HELQ: variants seen among roughly 807,000 people sequenced by gnomAD.
HELQ encodes helicase, POLQ like.
A neutral mutation model predicts 111.6 loss-of-function variants in HELQ; 77 were observed. The observed-to-expected ratio is 0.69, with a 90% CI of 0.57 to 0.83. The LOEUF (loss-of-function observed/expected upper bound fraction) is 0.83, where lower values mean the gene tolerates loss of function less well. Ranked by LOEUF, HELQ falls within the 40% of genes least tolerant of loss-of-function variation. The probability of loss-of-function intolerance (pLI) is 0.00; values close to 1 mark genes in which losing one functional copy is unlikely to be tolerated. For missense variants in HELQ, 1,200 were observed against 1,288.5 expected, an observed-to-expected ratio of 0.93 and a Z score of 1.05; for synonymous variants, 438 against 454.7, an observed-to-expected ratio of 0.96 and a Z score of 0.47.
chr4:83,418,161 T>C lies in HELQ; in HGVS notation c.2995A>G (p.Thr999Ala). ...TTTACACAGTAAGTCAGCTTCTTGG[T>C]AAGTTCTACCAAAAGGGCTCTGTAA... ...WVYRALLVEL[T>A]KKLTYCVKAE... The change falls in exon 16 of 18, where the codon ACC becomes GCC. Residue 999 changes from threonine (T) to alanine (A), a missense_variant. By Grantham distance (58) the Thr-to-Ala change is moderately conservative. This residue lies in a region of HELQ where 585 missense variants were observed against 665.3 expected (regional missense o/e 0.88). Coordinates refer to ENST00000295488, the MANE Select transcript of HELQ (RefSeq NM_133636.5). The C allele has an allele frequency of 6.2e-7, 1 of 1,609,810 alleles. No individual in the cohort carries two copies. Among genetic ancestry groups the C allele is most frequent in the Non-Finnish European group, 8.5e-7 (1 of 1,177,706 alleles).
At chr4:83,411,251 T>C (rs56127045) in intron 17 of HELQ, among the ~76,000 whole-genome samples, 30,165 of 149,814 alleles carry the variant, frequency 0.2, 5,290 homozygotes, top group African/African-American at 0.47. Context: ...TTATACTAGA[T>C]TGAATAAAAA....
chr4:83,451,069 G>C (rs1039530435), intron 2 of HELQ, among the ~76,000 whole-genome samples: 5 of 152,174 alleles, frequency 3.3e-5, no homozygotes, highest in African/African-American at 1.2e-4. Flanking sequence ...TTAATAAAAA[G>C]TAGCACATGC....
chr4:83,450,667 A>G (rs1222287819), intron 2 of HELQ, among the ~76,000 whole-genome samples: 3 of 148,688 alleles, frequency 2.0e-5, no homozygotes, highest in African/African-American at 7.6e-5. Flanking sequence ...TTCACATCAA[A>G]AAAAAAAAAA....
chr4:83,451,667 A>AAAC (rs1553933431), intron 2 of HELQ, among the ~76,000 whole-genome samples: 7 of 150,500 alleles, frequency 4.7e-5, no homozygotes, highest in African/African-American at 1.8e-4. Flanking sequence ...CCGTCTCAAA[A>AAAC]AAAAACAAAA....
rs1054632438 is a variant in HELQ at position 83,427,003 on chromosome 4, C to T, written c.2676+560G>A. Among the ~76,000 whole-genome samples the T allele has an allele frequency of 8.5e-5, 13 of 152,138 alleles. No homozygotes were observed. In the South Asian group the frequency reaches 1.0e-3, roughly 12 times the overall value. On this transcript the variant is annotated intron_variant, in intron 13 of 17. Coordinates refer to ENST00000295488, the MANE Select transcript of HELQ (RefSeq NM_133636.5). Reference sequence around the variant, plus strand: ...ATAAATATTCCTTTTCAGTTATTAACGTCATTGGGTTTAATGTATTATCAT... The same window carrying T: ...ATAAATATTCCTTTTCAGTTATTAATGTCATTGGGTTTAATGTATTATCAT...
chr4:83,425,132 T>C (rs575213189), intron 14 of HELQ, among the ~76,000 whole-genome samples: 10 of 151,688 alleles, frequency 6.6e-5, no homozygotes, highest in African/African-American at 2.4e-4. Flanking sequence ...ATACAAAAAT[T>C]AGCTAGGCGT....
At chr4:83,437,315 A>G (rs1640054034) in intron 8 of HELQ, among the ~76,000 whole-genome samples, 1 of 152,198 alleles carries the variant, frequency 6.6e-6, no homozygotes, top group South Asian at 2.1e-4. Context: ...TGAAAATCTT[A>G]TCAAAACTAA....
chr4:83,424,138 G>A (rs986000653), intron 14 of HELQ, among the ~76,000 whole-genome samples: 1 of 151,900 alleles, frequency 6.6e-6, no homozygotes, highest in Non-Finnish European at 1.5e-5. Flanking sequence ...TATCAATTTG[G>A]CAAATATTTG....
intron 17 of HELQ, among the ~76,000 whole-genome samples, chr4:83,413,219 C>T (rs1006643937): frequency 6.6e-6 from 1 of 152,168 alleles, no homozygotes; most frequent in Non-Finnish European, 1.5e-5. Flanking sequence ...CGTGAGCTGA[C>T]TGAACCCAGA....
chr4:83,421,762 C>T (rs772901331), intron 14 of HELQ, 26 bp from the exon 15 acceptor site: 28 of 1,585,822 alleles, frequency 1.8e-5, no homozygotes, highest in Admixed American at 5.2e-5. Context: ...CAAATAAATT[C>T]GTTTACTAGA....
At position 83,421,705 on chromosome 4, in the gene HELQ, T is replaced by C. The variant is rs1739693900; in HGVS notation, c.2807A>G (p.Tyr936Cys). 1.9e-6 allele frequency: 3 copies of C among 1,613,550 alleles called. No homozygotes were observed. Among genetic ancestry groups the C allele is most frequent in the Admixed American group, 1.7e-5 (1 of 59,944 alleles). Residue 936 changes from tyrosine to cysteine, a missense_variant, in exon 15 of 18, where the codon TAT becomes TGT. By Grantham distance (194) the Tyr-to-Cys change is radical. Around this residue, in one of 3 missense-constraint regions of HELQ, gnomAD observed 585 missense variants for 665.3 expected, o/e 0.88. Coordinates refer to ENST00000295488, the MANE Select transcript of HELQ (RefSeq NM_133636.5). Reference protein sequence around the residue: ...KVDKNVVNRLYLSFVLYTLLK... With the variant: ...KVDKNVVNRLCLSFVLYTLLK... ...CAAGGTATAAAGAACAAAAGACAGATATAGCCTGTTGACAACGTTCTTGTC... is the reference window on the plus strand; with the variant it reads ...CAAGGTATAAAGAACAAAAGACAGACATAGCCTGTTGACAACGTTCTTGTC...
chr4:83,454,580 AG>A lies in HELQ; in HGVS notation c.298-636del, dbSNP rs200369162. Among the ~76,000 whole-genome samples the A allele has an allele frequency of 1.4e-3, 215 of 149,786 alleles. 1 individual carries two copies. Among genetic ancestry groups the A allele is most frequent in the African/African-American group, 3.4e-3 (137 of 40,686 alleles). On this transcript the variant is annotated intron_variant, in intron 1 of 17. Coordinates refer to ENST00000295488, the MANE Select transcript of HELQ (RefSeq NM_133636.5). Reference sequence around the variant, plus strand: ...GCAGGCCACCACACCCGGCTAATTAAGAAAAAAAAATTTTTTTTTTTTTTTG... The same window carrying A: ...GCAGGCCACCACACCCGGCTAATTAAAAAAAAAAATTTTTTTTTTTTTTTG...
At position 83,428,212 on chromosome 4, in the gene HELQ, C is replaced by T. The variant is rs574956015; in HGVS notation, c.2519-492G>A. ...ATTCCATTTGAAAAATAAATACACA[C>T]ATAAAAATATTTGGAAGAATACATA... On this transcript the variant is annotated intron_variant, in intron 12 of 17. Coordinates refer to ENST00000295488, the MANE Select transcript of HELQ (RefSeq NM_133636.5). Among the ~76,000 whole-genome samples the T allele has an allele frequency of 5.3e-3, 801 of 151,564 alleles. 7 individuals carry two copies. Among genetic ancestry groups the T allele is most frequent in the Non-Finnish European group, 7.8e-3 (528 of 67,928 alleles).
chr4:83,455,479 G>A lies in HELQ; in HGVS notation c.215C>T (p.Pro72Leu). ...EVQPLLLSDS[P>L]ECLVLGGGDT... ...ACCACCTCCAAGGACGAGACATTCC[G>A]GGGAATCTGAGAGTAGAAGGGGCTG... The change falls in exon 1 of 18, where the codon CCG becomes CTG. Residue 72 changes from proline to leucine, a missense_variant. By Grantham distance (98) the Pro-to-Leu change is moderately conservative (BLOSUM62 -3). Around this residue, in one of 3 missense-constraint regions of HELQ, gnomAD observed 610 missense variants for 607.1 expected, o/e 1.00. Coordinates refer to ENST00000295488, the MANE Select transcript of HELQ (RefSeq NM_133636.5). 6.2e-7 allele frequency: 1 copy of A among 1,614,128 alleles called. No homozygotes were observed. Among genetic ancestry groups the A allele is most frequent in the Non-Finnish European group, 8.5e-7 (1 of 1,180,020 alleles).
At chr4:83,446,163 T>C (rs1721036401) in intron 4 of HELQ, 77 bp from the exon 5 acceptor site, 4 of 986,346 alleles carry the variant, frequency 4.1e-6, no homozygotes, top group African/African-American at 1.6e-5. Flanking sequence ...TATATTCATA[T>C]GAAATTTGTT....
In HELQ at chr4:83,436,884, C is replaced by T. The variant is rs756661545; in HGVS notation, c.2022G>A (p.Ala674=). 2.0e-5 allele frequency: 33 copies of T among 1,613,976 alleles called. No individual in the cohort carries two copies. The East Asian group carries it at 2.9e-4, about 14-fold the overall frequency. ...LCLFTCTSTL[A]AGVNLPARRV... The stretch of plus-strand genomic sequence containing the variant: ...TTCGAGCTGGTAGGTTGACACCTGC[C>T]GCTAGGGTAGATGTGCAGGTAAAAA... Residue 674 remains alanine (A), a synonymous_variant, in exon 9 of 18, where the codon GCG becomes GCA. Coordinates refer to ENST00000295488, the MANE Select transcript of HELQ (RefSeq NM_133636.5).
intron 2 of HELQ, 199 bp downstream of exon 2, chr4:83,453,032 A>G (rs1015331087): frequency 2.2e-5 from 11 of 490,076 alleles, no homozygotes; most frequent in East Asian, 3.4e-5. Context: ...AACTGGTTTG[A>G]TAAGTGTGAC....
rs1436594263 is a variant in HELQ at position 83,421,445 on chromosome 4, TAAC to T, written c.2949+115_2949+117del. 3.1e-5 allele frequency: 22 copies of T among 711,480 alleles called. No individual in the cohort carries two copies. In the African/African-American group the frequency reaches 3.6e-4, roughly 12 times the overall value. The allele number at this position is 711,480 out of a possible 1,614,324, so 44.1% of individuals were successfully genotyped here. A position where few individuals can be genotyped will look rare whatever the true frequency, so the allele number is the denominator to read the frequency against. The stretch of plus-strand genomic sequence containing the variant: ...TAAATAGTTTTTTAGTGCTCTGTAA[TAAC>T]AGAATATGTCAACAAGGAGAAAATG... On this transcript the variant is annotated intron_variant, in intron 15 of 17. Coordinates refer to ENST00000295488, the MANE Select transcript of HELQ (RefSeq NM_133636.5).
chr4:83,430,629 C>T (rs537732449), intron 11 of HELQ, among the ~76,000 whole-genome samples: 2 of 152,224 alleles, frequency 1.3e-5, no homozygotes, highest in Admixed American at 6.5e-5. Context: ...AATTCTGATG[C>T]TATTTCAACT....
Sources: gnomAD v4.1 joint callset for allele counts (sites outside exome capture counted in the v4.1 genomes callset) on GRCh38, gnomAD v4.1.1 for gene constraint, gnomAD v4.1.1 regional missense constraint, MANE v1.5 for transcripts, NCBI Gene and HGNC (gene_info 2026-07-23, HGNC 2026-07-21) for gene names.